The following SPHKAP variants were observed in gnomAD, a reference collection of about 807,000 sequenced individuals.
The protein encoded by SPHKAP is A-kinase anchor protein SPHKAP.
A neutral mutation model predicts 137.5 loss-of-function variants in SPHKAP; 67 were observed. The ratio of observed to expected loss-of-function variants is 0.49; its 90% confidence interval spans 0.40 to 0.60. The LOEUF is 0.60. SPHKAP is among the 20% of genes least tolerant of loss of function. The pLI is 0.00. For missense variants in SPHKAP, 2,097 were observed against 2,069.3 expected, an observed-to-expected ratio of 1.01 and a Z score of -0.26; for synonymous variants, 813 against 785.3, an observed-to-expected ratio of 1.04 and a Z score of -0.59.
chr2:228,143,663 GCT>G (rs1491319366), intron 1 of SPHKAP, among the ~76,000 whole-genome samples: 2 of 129,158 alleles, frequency 1.5e-5, no homozygotes, highest in African/African-American at 5.5e-5. Flanking sequence ...AAAACACCTG[GCT>G]TTTTTTTTTT....
chr2:228,134,222 G>T (rs1433812131), intron 1 of SPHKAP, among the ~76,000 whole-genome samples: 1 of 111,182 alleles, frequency 9.0e-6, no homozygotes, highest in Non-Finnish European at 2.0e-5. Flanking sequence ...GGAAGGAAGG[G>T]AAGGAGGGAG....
intron 1 of SPHKAP, among the ~76,000 whole-genome samples, chr2:228,133,802 G>T (rs757610842): frequency 6.6e-6 from 1 of 152,118 alleles, no homozygotes; most frequent in Non-Finnish European, 1.5e-5. Context: ...TAGCCTTTTG[G>T]CATTTCCATT....
At chr2:228,109,007 C>CTTT (rs11374866) in intron 2 of SPHKAP, 68 bp from the exon 3 acceptor site, 312 of 718,620 alleles carry the variant, frequency 4.3e-4, no homozygotes, top group South Asian at 5.6e-4. Flanking sequence ...AGCTCTCTCT[C>CTTT]TTTTTTTTTT....
At chr2:227,997,512 A>C (rs1693680829) in intron 7 of SPHKAP, among the ~76,000 whole-genome samples, 2 of 152,238 alleles carry the variant, frequency 1.3e-5, no homozygotes, top group Non-Finnish European at 2.9e-5. Flanking sequence ...CCTGTATATA[A>C]GTATCCAATA....
intron 1 of SPHKAP, among the ~76,000 whole-genome samples, chr2:228,163,814 C>A (rs890320917): frequency 6.6e-6 from 1 of 152,182 alleles, no homozygotes; most frequent in Non-Finnish European, 1.5e-5. Flanking sequence ...ATCTTAATGA[C>A]AGCTGCCACT....
At chr2:228,110,332 T>C (rs889702028) in intron 2 of SPHKAP, among the ~76,000 whole-genome samples, 1 of 151,952 alleles carries the variant, frequency 6.6e-6, no homozygotes, top group African/African-American at 2.4e-5. Context: ...TTTATAATAA[T>C]ATAAAATATA....
At chr2:228,114,013 G>A (rs1031944937) in intron 2 of SPHKAP, among the ~76,000 whole-genome samples, 2 of 152,120 alleles carry the variant, frequency 1.3e-5, no homozygotes, top group African/African-American at 2.4e-5. Flanking sequence ...AAGAATATGT[G>A]CTTGAGAATT....
At chr2:228,157,213 A>G (rs974768969) in intron 1 of SPHKAP, among the ~76,000 whole-genome samples, 1 of 152,232 alleles carries the variant, frequency 6.6e-6, no homozygotes, top group Admixed American at 6.5e-5. Context: ...TACACAAATA[A>G]TAAGAATCAG....
intron 3 of SPHKAP, among the ~76,000 whole-genome samples, chr2:228,077,320 G>A (rs914179378): frequency 2.6e-5 from 4 of 152,112 alleles, no homozygotes; most frequent in Non-Finnish European, 5.9e-5. Context: ...CACTGTCCAC[G>A]GACAGCTTGC....
intron 3 of SPHKAP, among the ~76,000 whole-genome samples, chr2:228,080,490 T>G (rs978681909): frequency 1.3e-5 from 2 of 152,156 alleles, no homozygotes; most frequent in Admixed American, 1.3e-4. Context: ...GTGGATCAGC[T>G]GAGGTTAAGT....
intron 2 of SPHKAP, among the ~76,000 whole-genome samples, chr2:228,121,186 G>A (rs2106362982): frequency 6.6e-6 from 1 of 152,244 alleles, no homozygotes; most frequent in Non-Finnish European, 1.5e-5. Context: ...TTGAGTATTG[G>A]TGCATGCCTT....
Position 228,016,976 on chromosome 2 carries a change from T to C in SPHKAP, c.3878A>G (p.Tyr1293Cys). 6.2e-7 allele frequency: 1 copy of C among 1,614,144 alleles called. No individual in the cohort carries two copies. The highest frequency in any genetic ancestry group is 8.5e-7 in the Non-Finnish European group (1 of 1,180,024). The change falls in exon 7 of 12, where the codon TAT (tyrosine) becomes TGT (cysteine). Residue 1293 changes from tyrosine to cysteine, a missense_variant. Coordinates refer to ENST00000392056, the MANE Select transcript of SPHKAP (RefSeq NM_001142644.2). ...GATGTGGTCAGTCCCACCTCTCCGA[T>C]ACAAGCAAGAGTCAGATTTGCAGAG... ...SGLCKSDSCL[Y>C]RRGGTDHITN...
intron 1 of SPHKAP, among the ~76,000 whole-genome samples, chr2:228,141,551 G>A (rs1699607679): frequency 6.6e-6 from 1 of 152,050 alleles, no homozygotes; most frequent in Non-Finnish European, 1.5e-5. Context: ...CTTAGAGCTA[G>A]GATTTCAAAA....
chr2:228,025,255 A>T lies in SPHKAP; in HGVS notation c.441+139T>A, dbSNP rs1559354384. On this transcript the variant is annotated intron_variant, in intron 5 of 11. Coordinates refer to ENST00000392056, the MANE Select transcript of SPHKAP (RefSeq NM_001142644.2). Reference sequence around the variant, plus strand: ...CTCTATTTAAGAGAAATACAAATGCAGACTTTTCTCAAATATAAAGACACT... The same window carrying T: ...CTCTATTTAAGAGAAATACAAATGCTGACTTTTCTCAAATATAAAGACACT... The T allele has an allele frequency of 2.0e-5, 18 of 900,492 alleles. No homozygotes were observed. In the South Asian group the frequency reaches 5.1e-4, roughly 26 times the overall value. 55.8% of individuals were successfully genotyped at this position (900,492 alleles called of 1,614,324 possible).
At chr2:228,039,464 T>C (rs9973617) in intron 3 of SPHKAP, among the ~76,000 whole-genome samples, 57,925 of 151,908 alleles carry the variant, frequency 0.38, 11,482 homozygotes, top group South Asian at 0.51. Context: ...TATGGGTTAT[T>C]AGCCAAGTAA....
chr2:228,053,478 T>C (rs1249067332), intron 3 of SPHKAP, among the ~76,000 whole-genome samples: 1 of 152,234 alleles, frequency 6.6e-6, no homozygotes, highest in Non-Finnish European at 1.5e-5. Flanking sequence ...TGTTAAAATC[T>C]GGCTTACAGC....
chr2:228,137,783 G>A (rs1180776994), intron 1 of SPHKAP, among the ~76,000 whole-genome samples: 2 of 152,266 alleles, frequency 1.3e-5, no homozygotes, highest in East Asian at 3.9e-4. Flanking sequence ...CAAAAATTGA[G>A]AGGATTTTAA....
chr2:228,034,907 A>C (rs1318179277), intron 3 of SPHKAP, among the ~76,000 whole-genome samples: 1 of 151,820 alleles, frequency 6.6e-6, no homozygotes, highest in East Asian at 1.9e-4. Flanking sequence ...ATCTATGACA[A>C]ACCCACAGCC....
At chr2:228,173,130 G>A (rs148347159) in intron 1 of SPHKAP, 26 of 890,846 alleles carry the variant, frequency 2.9e-5, no homozygotes, top group East Asian at 1.2e-4. Context: ...AATGACTCAC[G>A]TATGGCAGAG....
Sources: allele counts gnomAD v4.1 joint callset (sites outside exome capture counted in the v4.1 genomes callset), GRCh38; gene constraint gnomAD v4.1.1; transcripts MANE v1.5; gene names NCBI Gene and HGNC (gene_info 2026-07-23, HGNC 2026-07-21).